NRG1: variants seen among roughly 807,000 people sequenced by gnomAD.
The protein encoded by NRG1 is neuregulin 1, also known as pro-neuregulin-1, membrane-bound isoform.
In NRG1, 18 loss-of-function variants were observed where a neutral mutation model predicts 63.8. The observed-to-expected ratio is 0.28, with a 90% CI of 0.19 to 0.42. NRG1 has a LOEUF of 0.42. Among genes scored for constraint, NRG1 ranks in the 10% least tolerant of loss-of-function variants. The pLI, the probability that NRG1 is intolerant of heterozygous loss-of-function variation, is 1.00. For synonymous variants in NRG1, 302 were observed against 301.3 expected (o/e 1.00, Z -0.02); for missense variants, 762 against 814.7 (o/e 0.94, Z 0.79).
At chr8:32,317,891 A>C (rs1017002764) in intron 1 of NRG1, among the ~76,000 whole-genome samples, 3 of 152,188 alleles carry the variant, frequency 2.0e-5, no homozygotes, top group Non-Finnish European at 4.4e-5. Flanking sequence ...AGAGGGTGCT[A>C]TGTGGATATA....
chr8:32,565,861 G>A (rs1431765715), intron 1 of NRG1, among the ~76,000 whole-genome samples: 1 of 152,112 alleles, frequency 6.6e-6, no homozygotes, highest in East Asian at 1.9e-4. Flanking sequence ...CCATTGCTCT[G>A]TAAAAATTAT....
At chr8:31,666,110 C>T (rs559215669) in intron 1 of NRG1, among the ~76,000 whole-genome samples, 4 of 152,260 alleles carry the variant, frequency 2.6e-5, no homozygotes, top group African/African-American at 9.6e-5. Flanking sequence ...TTAATTATTG[C>T]ATTAATTACA....
chr8:32,544,393 GT>G (rs1832857341), upstream of NRG1, among the ~76,000 whole-genome samples: 1 of 151,878 alleles, frequency 6.6e-6, no homozygotes, highest in African/African-American at 2.4e-5. Flanking sequence ...TATTTAATTT[GT>G]TTTTATGCCT....
At position 31,712,255 on chromosome 8, in the gene NRG1, C is replaced by CTTTTTTTT. The variant is rs57363109; in HGVS notation, c.37+72847_37+72854dup. Among the ~76,000 whole-genome samples, 508 of 72,296 alleles carry CTTTTTTTT rather than the reference C, an allele frequency of 7.0e-3. 64 individuals are homozygous for CTTTTTTTT. The highest frequency in any genetic ancestry group is 0.023 in the Middle Eastern group (2 of 88). The allele number at this position is 72,296 out of a possible 152,430, so 47.4% of individuals were successfully genotyped here. ...TGACTTCCTGTTTCTTCTTCATGAT[C>CTTTTTTTT]TTTTTTTTTTTTTTTTTTTTTTTTT... On this transcript the variant is annotated intron_variant, in intron 1 of 10. Transcript: ENST00000519301.
chr8:32,621,823 C>T (rs1357943102), intron 5 of NRG1, among the ~76,000 whole-genome samples: 2 of 152,170 alleles, frequency 1.3e-5, no homozygotes, highest in African/African-American at 4.8e-5. Context: ...TCCAAAGTCA[C>T]ACAGCAGCAT....
chr8:32,479,424 C>T (rs936429269), intron 1 of NRG1, among the ~76,000 whole-genome samples: 4 of 151,898 alleles, frequency 2.6e-5, no homozygotes, highest in African/African-American at 9.7e-5. Flanking sequence ...TTGCAGTGAG[C>T]CGAGATCGTA....
intron 1 of NRG1, among the ~76,000 whole-genome samples, chr8:31,795,300 T>C (rs1429652891): frequency 6.6e-6 from 1 of 152,140 alleles, no homozygotes; most frequent in African/African-American, 2.4e-5. Flanking sequence ...TTTTGACAAA[T>C]AGGCCAGACT....
chr8:32,175,491 G>A (rs1012001852), intron 1 of NRG1, among the ~76,000 whole-genome samples: 1 of 152,134 alleles, frequency 6.6e-6, no homozygotes, highest in African/African-American at 2.4e-5. Context: ...GGGCTATCAG[G>A]CAGAAGAAGG....
intron 1 of NRG1, among the ~76,000 whole-genome samples, chr8:31,911,017 A>C (rs930744185): frequency 1.3e-5 from 2 of 152,146 alleles, no homozygotes. Flanking sequence ...GTCTTACTTT[A>C]CTTCATTGCA....
chr8:31,646,248 AC>A (rs1352860743), intron 1 of NRG1, among the ~76,000 whole-genome samples: 1 of 152,188 alleles, frequency 6.6e-6, no homozygotes, highest in Non-Finnish European at 1.5e-5. Context: ...GAACAAGAAA[AC>A]AGCTCTGAGT....
At chr8:32,190,957 G>GT (rs1842434849) in intron 1 of NRG1, among the ~76,000 whole-genome samples, 1 of 152,260 alleles carries the variant, frequency 6.6e-6, no homozygotes, top group Non-Finnish European at 1.5e-5. Context: ...ATAAAGACAT[G>GT]TTTTTTATAC....
chr8:32,131,476 T>C (rs2131631338), intron 1 of NRG1, among the ~76,000 whole-genome samples: 1 of 152,134 alleles, frequency 6.6e-6, no homozygotes, highest in Non-Finnish European at 1.5e-5. Context: ...CAGTTATCAC[T>C]CAAGTGTGAC....
intron 1 of NRG1, among the ~76,000 whole-genome samples, chr8:31,908,545 C>T (rs912655655): frequency 6.6e-6 from 1 of 152,152 alleles, no homozygotes; most frequent in Non-Finnish European, 1.5e-5. Context: ...AAAATTGTAT[C>T]CATCACCTCC....
chr8:32,710,221 A>G (rs904386158), intron 5 of NRG1, among the ~76,000 whole-genome samples: 1 of 152,224 alleles, frequency 6.6e-6, no homozygotes, highest in Admixed American at 6.5e-5. Context: ...GAAAATTACA[A>G]GTCAACAAAA....
At chr8:32,604,419 C>A (rs1844907546) in intron 2 of NRG1, among the ~76,000 whole-genome samples, 1 of 152,114 alleles carries the variant, frequency 6.6e-6, no homozygotes, top group Admixed American at 6.6e-5. Context: ...GAAAATTCAC[C>A]AGAAAACTAG....
At chr8:32,547,557 GAA>G (rs1402055989), upstream of NRG1, among the ~76,000 whole-genome samples, 1 of 151,192 alleles carries the variant, frequency 6.6e-6, no homozygotes, top group Non-Finnish European at 1.5e-5. Flanking sequence ...ATTTTTTAAG[GAA>G]AAGCTGAAGA....
intron 1 of NRG1, among the ~76,000 whole-genome samples, chr8:32,444,016 C>G (rs1010778715): frequency 7.1e-6 from 1 of 141,388 alleles, no homozygotes; most frequent in African/African-American, 2.6e-5. Flanking sequence ...TTCCTTTTTC[C>G]TTTCTTTCTT....
chr8:32,187,715 A>G (rs1244848336), intron 1 of NRG1, among the ~76,000 whole-genome samples: 1 of 152,126 alleles, frequency 6.6e-6, no homozygotes, highest in Middle Eastern at 3.2e-3. Flanking sequence ...ATATTAAGGT[A>G]GAGGAGGGGT....
chr8:32,141,991 A>G (rs1242543187), intron 1 of NRG1, among the ~76,000 whole-genome samples: 2 of 152,090 alleles, frequency 1.3e-5, no homozygotes, highest in African/African-American at 4.8e-5. Flanking sequence ...CTCTGTTGCT[A>G]TCCCTGAAAG....
Sources: gnomAD v4.1 joint callset for allele counts (sites outside exome capture counted in the v4.1 genomes callset) on GRCh38, gnomAD v4.1.1 for gene constraint, MANE v1.5 for transcripts, NCBI Gene and HGNC (gene_info 2026-07-23, HGNC 2026-07-21) for gene names.